Variants in GRIN2A observed in about 807,000 individuals in gnomAD.
The protein encoded by GRIN2A is glutamate ionotropic receptor NMDA type subunit 2A.
In GRIN2A, 22 loss-of-function variants were observed where a neutral mutation model predicts 113.4. The ratio of observed to expected loss-of-function variants is 0.19; its 90% confidence interval spans 0.14 to 0.28. The LOEUF (loss-of-function observed/expected upper bound fraction) is 0.28. Among genes scored for constraint, GRIN2A ranks in the 10% least tolerant of loss-of-function variants. The pLI is 1.00. For synonymous variants in GRIN2A, 827 were observed against 738.4 expected, an observed-to-expected ratio of 1.12 and a Z score of -1.94; for missense variants, 1,502 against 1,887.0, an observed-to-expected ratio of 0.80 and a Z score of 3.78.
chr16:9,946,863 G>A (rs758541153), intron 2 of GRIN2A, among the ~76,000 whole-genome samples: 24 of 152,158 alleles, frequency 1.6e-4, no homozygotes, highest in African/African-American at 5.6e-4. Context: ...CTGTAAGATC[G>A]AGAGTTACCA....
chr16:10,041,991 G>A (rs2047174573), intron 2 of GRIN2A, among the ~76,000 whole-genome samples: 1 of 152,064 alleles, frequency 6.6e-6, no homozygotes, highest in South Asian at 2.1e-4. Flanking sequence ...CAAGACTCAT[G>A]TCTGAGTCCT....
At chr16:10,070,537 C>T (rs373480191) in intron 2 of GRIN2A, among the ~76,000 whole-genome samples, 61 of 152,256 alleles carry the variant, frequency 4.0e-4, no homozygotes, top group African/African-American at 1.2e-3. Context: ...ATGCTACCAG[C>T]GTGGCCTGGG....
At chr16:10,136,649 G>A (rs2049197001) in intron 2 of GRIN2A, among the ~76,000 whole-genome samples, 1 of 151,936 alleles carries the variant, frequency 6.6e-6, no homozygotes, top group South Asian at 2.1e-4. Context: ...TCATATTTTG[G>A]ATGAATTTAT....
chr16:9,964,580 G>C (rs957063275), intron 2 of GRIN2A, among the ~76,000 whole-genome samples: 1 of 152,112 alleles, frequency 6.6e-6, no homozygotes, highest in Non-Finnish European at 1.5e-5. Flanking sequence ...GGAGGCCGTA[G>C]GGGAGAATCC....
chr16:9,928,252 G>C (rs928433849), intron 3 of GRIN2A, among the ~76,000 whole-genome samples: 1 of 152,184 alleles, frequency 6.6e-6, no homozygotes, highest in African/African-American at 2.4e-5. Flanking sequence ...GCAGAGAACA[G>C]GTGGAGAGGC....
rs1900584487 is a variant in GRIN2A, at chr16:9,761,602, ATCTGAG to A, written c.*1541_*1546del. On this transcript the variant is annotated 3_prime_UTR_variant, in exon 13 of 13. Coordinates refer to ENST00000330684, the MANE Select transcript of GRIN2A (RefSeq NM_001134407.3). Reference sequence around the variant, plus strand: ...TTAATTTTTAAACTAGAAAATCCTGATCTGAGAAAGTGTCATAACATAGCAACTATC... The same window carrying A: ...TTAATTTTTAAACTAGAAAATCCTGAAAAGTGTCATAACATAGCAACTATC... 1 of 229,686 alleles carries A rather than the reference ATCTGAG, an allele frequency of 4.4e-6. No individual in the cohort carries two copies. Among genetic ancestry groups the A allele is most frequent in the African/African-American group, 2.2e-5 (1 of 45,168 alleles). The allele number at this position is 229,686 out of a possible 1,614,324, so 14.2% of individuals were successfully genotyped here. A position where few individuals can be genotyped will look rare whatever the true frequency, so the allele number is the denominator to read the frequency against.
At chr16:9,984,597 T>C (rs1374319290) in intron 2 of GRIN2A, among the ~76,000 whole-genome samples, 2 of 152,244 alleles carry the variant, frequency 1.3e-5, no homozygotes, top group African/African-American at 2.4e-5. Context: ...GCACCATTTC[T>C]GCTGTAGCTG....
At chr16:9,807,039 C>T (rs2041984886) in intron 10 of GRIN2A, among the ~76,000 whole-genome samples, 1 of 151,260 alleles carries the variant, frequency 6.6e-6, no homozygotes, top group Non-Finnish European at 1.5e-5. Flanking sequence ...TTCTCTCTTG[C>T]CTGCCACCAT....
chr16:10,008,719 T>C (rs1246062581), intron 2 of GRIN2A, among the ~76,000 whole-genome samples: 2 of 152,194 alleles, frequency 1.3e-5, no homozygotes, highest in East Asian at 3.9e-4. Context: ...AAGCTAGGTG[T>C]CCATCAGAAG....
chr16:9,891,438 A>T (rs1008126559), intron 3 of GRIN2A, among the ~76,000 whole-genome samples: 3 of 152,234 alleles, frequency 2.0e-5, no homozygotes, highest in African/African-American at 7.2e-5. Context: ...CTCATAAACC[A>T]CATGGCATTC....
At chr16:9,973,910 C>T (rs2045723899) in intron 2 of GRIN2A, among the ~76,000 whole-genome samples, 1 of 151,948 alleles carries the variant, frequency 6.6e-6, no homozygotes, top group Non-Finnish European at 1.5e-5. Context: ...TCAAGAAATG[C>T]TAAAGGAAGT....
chr16:10,059,801 T>C (rs1314499800), intron 2 of GRIN2A, among the ~76,000 whole-genome samples: 2 of 151,708 alleles, frequency 1.3e-5, no homozygotes, highest in African/African-American at 4.8e-5. Flanking sequence ...TTGGGCATTA[T>C]GTGTTTATAC....
chr16:10,089,489 C>T (rs1467440716), intron 2 of GRIN2A, among the ~76,000 whole-genome samples: 1 of 151,922 alleles, frequency 6.6e-6, no homozygotes, highest in Non-Finnish European at 1.5e-5. Context: ...TCCAGGAGGG[C>T]AGTTGATACA....
chr16:10,109,632 C>CA (rs200838519), intron 2 of GRIN2A, among the ~76,000 whole-genome samples: 25,657 of 125,302 alleles, frequency 0.2, 2,388 homozygotes, highest in Non-Finnish European at 0.23. Flanking sequence ...AACCAGATTA[C>CA]AAAAAAAAAA....
At chr16:9,909,363 A>G (rs910448687) in intron 3 of GRIN2A, among the ~76,000 whole-genome samples, 3 of 152,232 alleles carry the variant, frequency 2.0e-5, no homozygotes, top group African/African-American at 7.2e-5. Flanking sequence ...TCCCTAGCAC[A>G]ACAGAAAGAA....
Position 10,132,518 on chromosome 16 carries a change from G to A in GRIN2A, c.414+47480C>T, listed in dbSNP as rs140585710. Among the ~76,000 whole-genome samples the A allele has an allele frequency of 5.6e-3, 848 of 152,152 alleles. 18 individuals carry two copies. The highest frequency in any genetic ancestry group is 7.3e-3 in the Non-Finnish European group (497 of 68,004). The stretch of plus-strand genomic sequence containing the variant: ...GTAAAGCCACACATTGAGCTATGTC[G>A]TGATGGCTTTCTGACCTAACTCCTC... On this transcript the variant is annotated intron_variant, in intron 2 of 12. Transcript: ENST00000330684.
At chr16:9,982,644 C>T (rs1427465909) in intron 2 of GRIN2A, among the ~76,000 whole-genome samples, 4 of 152,294 alleles carry the variant, frequency 2.6e-5, no homozygotes, top group Admixed American at 1.3e-4. Flanking sequence ...TACAAACTCA[C>T]GGATTTTATG....
Position 9,984,119 on chromosome 16 carries a change from G to A in GRIN2A, c.415-45568C>T, listed in dbSNP as rs1330244633. Among the ~76,000 whole-genome samples, 9 of 151,998 alleles carry A rather than the reference G, an allele frequency of 5.9e-5. No individual in the cohort carries two copies. In the South Asian group the frequency reaches 1.0e-3, roughly 18 times the overall value. On this transcript the variant is annotated intron_variant, in intron 2 of 12. Coordinates refer to ENST00000330684, the MANE Select transcript of GRIN2A (RefSeq NM_001134407.3). ...TGAGATTATATCTCACTGTGGTTTC[G>A]ATTTGCATTTTCCTCATGATTAGTG...
At chr16:9,781,025 A>G (rs1436903375) in intron 11 of GRIN2A, among the ~76,000 whole-genome samples, 1 of 147,858 alleles carries the variant, frequency 6.8e-6, no homozygotes, top group Non-Finnish European at 1.5e-5. Flanking sequence ...ACGGCCAATT[A>G]GTAAATATTT....
Sources: allele counts gnomAD v4.1 joint callset (sites outside exome capture counted in the v4.1 genomes callset), GRCh38; gene constraint gnomAD v4.1.1; transcripts MANE v1.5; gene names NCBI Gene and HGNC (gene_info 2026-07-23, HGNC 2026-07-21).